The following KNDC1 variants were observed in gnomAD, a reference collection of about 807,000 sequenced individuals.
KNDC1 encodes the protein kinase non-catalytic C-lobe domain containing 1.
Under a neutral mutation model 172.8 loss-of-function variants are expected in KNDC1, and 106 were observed. That is an observed-to-expected ratio of 0.61 (90% CI 0.52 to 0.72). The LOEUF (loss-of-function observed/expected upper bound fraction) is 0.72. Ranked by LOEUF, KNDC1 falls within the 30% of genes least tolerant of loss-of-function variation. KNDC1 has a pLI of 0.00. For missense variants in KNDC1, 2,325 were observed against 2,394.5 expected (o/e 0.97, Z 0.61); for synonymous variants, 1,083 against 1,062.2 (o/e 1.02, Z -0.38).
chr10:133,170,510 A>G (rs899262321), intron 3 of KNDC1, among the ~76,000 whole-genome samples: 4 of 152,184 alleles, frequency 2.6e-5, no homozygotes, highest in Admixed American at 2.0e-4. Flanking sequence ...GTGCCTCTCC[A>G]GTGAAGCTTT....
chr10:133,220,059 G>A lies in KNDC1; in HGVS notation c.4965G>A (p.Leu1655=). 1 of 1,564,936 alleles carries A rather than the reference G, an allele frequency of 6.4e-7. No homozygotes were observed. The highest frequency in any genetic ancestry group is 8.7e-7 in the Non-Finnish European group (1 of 1,154,764). ...TCCTGGCCATGCACATCCAGCAGCTGGAGACAGGCGGCTTCACCATGACCA... is the reference window on the plus strand; with the variant it reads ...TCCTGGCCATGCACATCCAGCAGCTAGAGACAGGCGGCTTCACCATGACCA... ...AHLLAMHIQQ[L]ETGGFTMTNG... The change falls in exon 29 of 30, where the codon CTG becomes CTA. Residue 1655 remains leucine (L), a synonymous_variant. Transcript: ENST00000304613.
chr10:133,177,561 A>T (rs966047523), intron 3 of KNDC1, among the ~76,000 whole-genome samples: 3 of 151,012 alleles, frequency 2.0e-5, no homozygotes, highest in African/African-American at 7.3e-5. Context: ...CGTGTGTTGC[A>T]TGTGTACATG....
At position 133,198,901 on chromosome 10, in the gene KNDC1, C is replaced by T. The variant is rs752606722; in HGVS notation, c.2393C>T (p.Pro798Leu). 32 of 1,586,196 alleles carry T rather than the reference C, an allele frequency of 2.0e-5. No homozygotes were observed. Among genetic ancestry groups the T allele is most frequent in the South Asian group, 6.8e-5 (6 of 88,538 alleles). Residue 798 changes from proline to leucine, a missense_variant, in exon 14 of 30, where the codon CCG becomes CTG. Coordinates refer to ENST00000304613, the MANE Select transcript of KNDC1 (RefSeq NM_152643.8). ...TCTGCGCTGCCCGTAGAGCAAGGGC[C>T]GGCTGAGCCGATCCCACCTGGAGTT... ...KASALPVEQG[P>L]AEPIPPGVAS... is the part of the protein sequence containing the mutation.
intron 12 of KNDC1, 47 bp from the exon 13 acceptor site, chr10:133,198,290 C>T (rs767331052): frequency 4.0e-6 from 6 of 1,499,478 alleles, no homozygotes; most frequent in Non-Finnish European, 5.3e-6. Flanking sequence ...GCGGCACGTG[C>T]TGGGGCCACT....
rs138441060 is a variant in KNDC1, at chr10:133,188,585, G to A, written c.1373G>A (p.Arg458Gln). 6.0e-5 allele frequency: 95 copies of A among 1,594,144 alleles called. No individual in the cohort carries two copies. In the African/African-American group the frequency reaches 6.4e-4, roughly 11 times the overall value. Reference protein sequence around the residue: ...DLLSQLGRPFREYELWALCLA... With the variant: ...DLLSQLGRPFQEYELWALCLA... ...CTGTCCCAGCTGGGCCGGCCCTTCC[G>A]GGAGTACGAGCTGTGGGCCCTGTGC... The change falls in exon 7 of 30, where the codon CGG (arginine) becomes CAG (glutamine). Residue 458 changes from arginine to glutamine, a missense_variant. Transcript: ENST00000304613.
Position 133,211,673 on chromosome 10 carries a change from G to A in KNDC1, c.4057-6G>A. 6.3e-7 allele frequency: 1 copy of A among 1,594,516 alleles called. No individual in the cohort carries two copies. The highest frequency in any genetic ancestry group is 8.6e-7 in the Non-Finnish European group (1 of 1,169,090). On this transcript the variant is annotated splice_region_variant and splice_polypyrimidine_tract_variant and intron_variant, in intron 22 of 29. Coordinates refer to ENST00000304613, the MANE Select transcript of KNDC1 (RefSeq NM_152643.8). ...GTGACCCCCCCACCACTGTGCTTCT[G>A]CCTAGATCCTACCCCTGGACGGCTC...
At chr10:133,213,354 T>C (rs1337873747) in intron 24 of KNDC1, among the ~76,000 whole-genome samples, 1 of 152,230 alleles carries the variant, frequency 6.6e-6, no homozygotes. Flanking sequence ...AGGTGGCCTC[T>C]TCCCAGGTCC....
At chr10:133,183,018 G>A (rs1198256536) in intron 3 of KNDC1, among the ~76,000 whole-genome samples, 2 of 151,888 alleles carry the variant, frequency 1.3e-5, no homozygotes, top group African/African-American at 2.4e-5. Flanking sequence ...GGCATGGGTG[G>A]CATGGGTGCG....
Position 133,203,584 on chromosome 10 carries a change from C to G in KNDC1, c.3387+1686C>G, listed in dbSNP as rs563269546. On this transcript the variant is annotated intron_variant, in intron 17 of 29. Transcript: ENST00000304613. ...AGCGCTGACCCCCACCTACTGGTGC[C>G]GGCCGTGTGTGCTGGGCTCAGCACT... Among the ~76,000 whole-genome samples the G allele has an allele frequency of 1.5e-3, 230 of 152,360 alleles. 2 individuals carry two copies. Among genetic ancestry groups the G allele is most frequent in the Non-Finnish European group, 2.6e-3 (179 of 68,034 alleles).
chr10:133,196,794 G>A (rs543486674), intron 10 of KNDC1, among the ~76,000 whole-genome samples: 24 of 152,326 alleles, frequency 1.6e-4, no homozygotes, highest in African/African-American at 5.3e-4. Context: ...GTGTCCAGGC[G>A]ACGAGGCTAC....
intron 4 of KNDC1, 87 bp from the exon 5 acceptor site, chr10:133,183,785 T>A (rs1853795605): frequency 3.6e-6 from 4 of 1,119,840 alleles, no homozygotes; most frequent in Admixed American, 2.3e-5. Context: ...CCAGGTCACC[T>A]TCAAAGGATC....
intron 3 of KNDC1, among the ~76,000 whole-genome samples, chr10:133,174,868 G>A (rs1853482306): frequency 6.6e-6 from 1 of 151,528 alleles, no homozygotes; most frequent in Admixed American, 6.6e-5. Context: ...GTGGATGCAT[G>A]GGTGGATGGA....
chr10:133,219,179 G>C, intron 28 of KNDC1, 89 bp downstream of exon 28: 2 of 1,470,866 alleles, frequency 1.4e-6, no homozygotes, highest in South Asian at 2.4e-5. Flanking sequence ...GCACCCAGAC[G>C]CAGGCACCAC....
At chr10:133,211,653 C>A (rs773607505) in intron 22 of KNDC1, 26 bp from the exon 23 acceptor site, 1 of 1,588,260 alleles carries the variant, frequency 6.3e-7, no homozygotes, top group South Asian at 1.1e-5. Context: ...TGGCAGTGAC[C>A]CCCCCACCAC....
intron 1 of KNDC1, among the ~76,000 whole-genome samples, 196 bp downstream of exon 1, chr10:133,160,765 G>T (rs1463356974): frequency 6.6e-6 from 1 of 152,170 alleles, no homozygotes; most frequent in Non-Finnish European, 1.5e-5. Context: ...GAATGCGCAC[G>T]GGACGGCGGC....
chr10:133,176,931 C>T (rs769469276), intron 3 of KNDC1, among the ~76,000 whole-genome samples: 8 of 152,230 alleles, frequency 5.3e-5, no homozygotes, highest in South Asian at 2.1e-4. Context: ...AATGTGCAGA[C>T]GTGCCCTAGC....
In KNDC1 at chr10:133,210,692, C is replaced by T; in HGVS notation, c.3876C>T (p.Phe1292=). 1 of 1,613,958 alleles carries T rather than the reference C, an allele frequency of 6.2e-7. No homozygotes were observed. Residue 1292 remains phenylalanine, a synonymous_variant, in exon 21 of 30, where the codon TTC becomes TTT. Transcript: ENST00000304613. ...GCACACCCCACGACTTCCTGCACTT[C>T]CTCCTCGACCGCATCAACAGCACGC... ...YFCTPHDFLH[F]LLDRINSTLT...
At chr10:133,215,794 C>T (rs1427518306) in intron 26 of KNDC1, among the ~76,000 whole-genome samples, 2 of 152,242 alleles carry the variant, frequency 1.3e-5, no homozygotes, top group African/African-American at 4.8e-5. Flanking sequence ...TGGTCACGCA[C>T]CCGTGTACAG....
intron 5 of KNDC1, among the ~76,000 whole-genome samples, chr10:133,185,446 TAGGCAG>T: frequency 7.0e-6 from 1 of 143,828 alleles, no homozygotes; most frequent in Non-Finnish European, 1.5e-5. Context: ...CAGTGTGGAA[TAGGCAG>T]TGTGTGCAGT....
Sources: gnomAD v4.1 joint callset for allele counts (sites outside exome capture counted in the v4.1 genomes callset) on GRCh38, gnomAD v4.1.1 for gene constraint, MANE v1.5 for transcripts, NCBI Gene and HGNC (gene_info 2026-07-23, HGNC 2026-07-21) for gene names.